Variants in TEX10 observed in about 807,000 individuals in gnomAD.
TEX10 encodes the protein testis-expressed protein 10.
A neutral mutation model predicts 104.4 loss-of-function variants in TEX10; 24 were observed. The ratio of observed to expected loss-of-function variants is 0.23; its 90% confidence interval spans 0.17 to 0.32. TEX10 has a LOEUF of 0.32. Ranked by LOEUF, TEX10 falls within the 10% of genes least tolerant of loss-of-function variation. The pLI is 1.00. For synonymous variants in TEX10, 396 were observed against 393.4 expected (o/e 1.01, Z -0.08); for missense variants, 921 against 1,083.9 (o/e 0.85, Z 2.11).
At chr9:100,329,106 GA>G (rs781734122) in intron 7 of TEX10, 33 bp downstream of exon 7, 1 of 1,559,528 alleles carries the variant, frequency 6.4e-7, no homozygotes. Flanking sequence ...AACTCAGCAA[GA>G]GAAAAAAGAA....
rs774877026 is a variant in TEX10 at position 100,308,686 on chromosome 9, G to C, written c.2284-5C>G. On this transcript the variant is annotated splice_region_variant and splice_polypyrimidine_tract_variant and intron_variant, in intron 12 of 14. Coordinates refer to ENST00000374902, the MANE Select transcript of TEX10 (RefSeq NM_017746.4). The stretch of plus-strand genomic sequence containing the variant: ...AGGAATTACAGTCAACCCAACCTAA[G>C]CAGAGAAAAACGAGATTAATCACCT... 3.8e-6 allele frequency: 6 copies of C among 1,579,928 alleles called. No homozygotes were observed. Among genetic ancestry groups the C allele is most frequent in the Non-Finnish European group, 8.6e-7 (1 of 1,165,872 alleles).
In TEX10 at chr9:100,329,310, C is replaced by A. The variant is rs1225733153; in HGVS notation, c.1490-35G>T. ...GAAAGAAAACAACTTGCATATGAAT[C>A]AAAAAATGTTTAACAGCCCCCAAAT... On this transcript the variant is annotated intron_variant, in intron 6 of 14. Coordinates refer to ENST00000374902, the MANE Select transcript of TEX10 (RefSeq NM_017746.4). 1.9e-6 allele frequency: 3 copies of A among 1,576,860 alleles called. No individual in the cohort carries two copies. In the South Asian group the frequency reaches 3.6e-5, roughly 19 times the overall value.
chr9:100,318,284 T>C (rs192415348), intron 11 of TEX10, among the ~76,000 whole-genome samples: 90 of 152,312 alleles, frequency 5.9e-4, no homozygotes, highest in African/African-American at 1.9e-3. Context: ...TATTTAGCCA[T>C]AGAAAAGAAT....
rs769790482 is a variant in TEX10 at position 100,330,160 on chromosome 9, A to G, written c.1260T>C (p.His420=). 6 of 1,598,660 alleles carry G rather than the reference A, an allele frequency of 3.8e-6. No individual in the cohort carries two copies. Among genetic ancestry groups the G allele is most frequent in the Non-Finnish European group, 5.1e-6 (6 of 1,168,960 alleles). ...KRKEPNKSIK[H]CTVLSNNIDH... ...CTATGTTATTGGAGAGAACTGTGCA[A>G]TGCTTGATGCTAGAAACAAAGACAC... Residue 420 remains histidine (H), a synonymous_variant, in exon 6 of 15, where the codon CAT becomes CAC. Coordinates refer to ENST00000374902, the MANE Select transcript of TEX10 (RefSeq NM_017746.4).
In TEX10 at chr9:100,307,618, A is replaced by AT. The variant is rs528890986; in HGVS notation, c.2465+881dup. The AT allele has an allele frequency of 3.2e-3, 479 of 147,596 alleles. 1 individual carries two copies. The highest frequency in any genetic ancestry group is 9.9e-3 in the African/African-American group (400 of 40,458). The allele number at this position is 147,596 out of a possible 1,614,324, so 9.1% of individuals were successfully genotyped here. On this transcript the variant is annotated intron_variant, in intron 13 of 14. Transcript: ENST00000374902. Reference sequence around the variant, plus strand: ...ACTGTTCACAAATGCACATAAAACCATTTTTTTTTTTAAGGTAATGAAGTT... The same window carrying AT: ...ACTGTTCACAAATGCACATAAAACCATTTTTTTTTTTTAAGGTAATGAAGTT...
chr9:100,341,555 T>G (rs1400541029), intron 4 of TEX10, among the ~76,000 whole-genome samples: 1 of 151,924 alleles, frequency 6.6e-6, no homozygotes, highest in East Asian at 1.9e-4. Context: ...ATACCAACAG[T>G]CTGGCTGGCT....
intron 5 of TEX10, among the ~76,000 whole-genome samples, chr9:100,339,734 TCTTA>T (rs1307961961): frequency 1.3e-5 from 2 of 152,166 alleles, no homozygotes; most frequent in Non-Finnish European, 2.9e-5. Context: ...ATTTATCTGC[TCTTA>T]CTTGAGGTAG....
intron 11 of TEX10, among the ~76,000 whole-genome samples, chr9:100,319,872 T>C (rs1421803727): frequency 6.6e-6 from 1 of 152,130 alleles, no homozygotes; most frequent in African/African-American, 2.4e-5. Flanking sequence ...CTTAAAGAAT[T>C]TGGGTTTTAA....
chr9:100,314,722 CTCTAA>C (rs1204647357), intron 11 of TEX10, among the ~76,000 whole-genome samples: 2 of 152,162 alleles, frequency 1.3e-5, no homozygotes, highest in South Asian at 2.1e-4. Flanking sequence ...TTTAGTTCTG[CTCTAA>C]TCTTTGTTAT....
Position 100,303,991 on chromosome 9 carries a change from C to T in TEX10, c.2466-149G>A, listed in dbSNP as rs528279724. On this transcript the variant is annotated intron_variant, in intron 13 of 14. Coordinates refer to ENST00000374902, the MANE Select transcript of TEX10 (RefSeq NM_017746.4). ...GAGCCAAATCAAGAACGCAATCTCACTTACAATAGCCACACACACACACTA... is the reference window on the plus strand; with the variant it reads ...GAGCCAAATCAAGAACGCAATCTCATTTACAATAGCCACACACACACACTA... 481 of 701,922 alleles carry T rather than the reference C, an allele frequency of 6.9e-4. 7 individuals are homozygous for T. In the South Asian group the frequency reaches 8.2e-3, roughly 12 times the overall value. The allele number at this position is 701,922 out of a possible 1,614,324, so 43.5% of individuals were successfully genotyped here.
chr9:100,336,977 A>G (rs1835026655), intron 5 of TEX10, among the ~76,000 whole-genome samples: 1 of 152,168 alleles, frequency 6.6e-6, no homozygotes, highest in Non-Finnish European at 1.5e-5. Context: ...ACCTCCTCAT[A>G]AAGTTAATTC....
At chr9:100,311,407 TAA>T (rs1834278853) in intron 11 of TEX10, among the ~76,000 whole-genome samples, 1 of 152,044 alleles carries the variant, frequency 6.6e-6, no homozygotes, top group Non-Finnish European at 1.5e-5. Context: ...CTCCAAAAAA[TAA>T]GTGTTATTCA....
intron 5 of TEX10, among the ~76,000 whole-genome samples, chr9:100,339,334 A>G (rs1488452699): frequency 1.5e-5 from 2 of 132,250 alleles, no homozygotes; most frequent in Non-Finnish European, 3.1e-5. Context: ...ATATTTATAT[A>G]TTATATATAA....
intron 1 of TEX10, among the ~76,000 whole-genome samples, chr9:100,350,016 C>T (rs1488286179): frequency 6.6e-6 from 1 of 152,114 alleles, no homozygotes; most frequent in East Asian, 1.9e-4. Context: ...AGTATTCCCC[C>T]TTGGTCCCCA....
At chr9:100,328,738 G>A (rs918641448) in intron 7 of TEX10, among the ~76,000 whole-genome samples, 1 of 152,136 alleles carries the variant, frequency 6.6e-6, no homozygotes, top group African/African-American at 2.4e-5. Flanking sequence ...GTCTCTCTCT[G>A]ATAGCACTAA....
intron 4 of TEX10, among the ~76,000 whole-genome samples, chr9:100,344,069 A>AAAAT (rs941494568): frequency 1.4e-4 from 21 of 152,216 alleles, no homozygotes; most frequent in Non-Finnish European, 2.4e-4. Flanking sequence ...TCCTTTTTAA[A>AAAAT]AAATAAATAA....
intron 11 of TEX10, among the ~76,000 whole-genome samples, chr9:100,313,933 CTGGTGTCA>C (rs1834347304): frequency 6.6e-6 from 1 of 151,666 alleles, no homozygotes; most frequent in South Asian, 2.1e-4. Context: ...TCACGTGATA[CTGGTGTCA>C]CAGAATGAAT....
chr9:100,306,226 TTAGAAGAAAA>T (rs1392717635), intron 13 of TEX10: 1 of 152,034 alleles, frequency 6.6e-6, no homozygotes, highest in Non-Finnish European at 1.5e-5. Flanking sequence ...AAAGGAGTTT[TTAGAAGAAAA>T]TAGAAACAAT....
chr9:100,331,261 C>CA lies in TEX10; in HGVS notation c.1251-1093dup, dbSNP rs1387853577. Among the ~76,000 whole-genome samples, 3 of 151,630 alleles carry CA rather than the reference C, an allele frequency of 2.0e-5. No homozygotes were observed. In the East Asian group the frequency reaches 5.8e-4, roughly 29 times the overall value. ...GGGCAACAGGAGTGAAACTCCATCT[C>CA]AAAAAAATAAATAAATAAAAATAAA... On this transcript the variant is annotated intron_variant, in intron 5 of 14. Coordinates refer to ENST00000374902, the MANE Select transcript of TEX10 (RefSeq NM_017746.4).
Sources: allele counts gnomAD v4.1 joint callset (sites outside exome capture counted in the v4.1 genomes callset), GRCh38; gene constraint gnomAD v4.1.1; transcripts MANE v1.5; gene names NCBI Gene and HGNC (gene_info 2026-07-23, HGNC 2026-07-21).